The following BTBD10 variants were observed in gnomAD, a reference collection of about 807,000 sequenced individuals.
BTBD10 encodes the protein BTB/POZ domain-containing protein 10.
In BTBD10, 21 loss-of-function variants were observed where a neutral mutation model predicts 53.2. The observed-to-expected ratio is 0.39, with a 90% CI of 0.28 to 0.57. BTBD10 has a LOEUF of 0.57. Ranked by LOEUF, BTBD10 falls within the 20% of genes least tolerant of loss-of-function variation. The pLI, the probability that BTBD10 is intolerant of heterozygous loss-of-function variation, is 0.53. For missense variants in BTBD10, 360 were observed against 594.7 expected (o/e 0.61, Z 4.10); for synonymous variants, 149 against 192.7 (o/e 0.77, Z 1.88).
chr11:13,424,357 TCATCTCTAAAC>T (rs1453921844), intron 2 of BTBD10, among the ~76,000 whole-genome samples: 1 of 152,206 alleles, frequency 6.6e-6, no homozygotes, highest in Non-Finnish European at 1.5e-5. Context: ...AACATTGGCT[TCATCTCTAAAC>T]CACTTAGATT....
chr11:13,456,393 A>G (rs1199832827), intron 1 of BTBD10, among the ~76,000 whole-genome samples: 1 of 152,176 alleles, frequency 6.6e-6, no homozygotes, highest in East Asian at 1.9e-4. Flanking sequence ...AAAACATGAA[A>G]CTGAATTCGT....
intron 8 of BTBD10, among the ~76,000 whole-genome samples, chr11:13,395,409 G>A (rs1224897453): frequency 6.6e-6 from 1 of 151,884 alleles, no homozygotes; most frequent in East Asian, 1.9e-4. Context: ...TTGTAAATTT[G>A]TTTGAGTTCA....
chr11:13,404,123 T>C (rs532438575), intron 7 of BTBD10, among the ~76,000 whole-genome samples: 1 of 152,278 alleles, frequency 6.6e-6, no homozygotes, highest in African/African-American at 2.4e-5. Flanking sequence ...ATGGGGTAAA[T>C]TTGTGATTAT....
chr11:13,461,416 C>T (rs1951093302), intron 1 of BTBD10, among the ~76,000 whole-genome samples: 1 of 152,146 alleles, frequency 6.6e-6, no homozygotes, highest in African/African-American at 2.4e-5. Context: ...TCTGATAAGG[C>T]ATAGTGCATT....
intron 5 of BTBD10, among the ~76,000 whole-genome samples, chr11:13,414,099 T>C (rs181764718): frequency 6.6e-6 from 1 of 152,228 alleles, no homozygotes; most frequent in Admixed American, 6.5e-5. Context: ...GTGAGGTTTT[T>C]AGTACAGAAT....
intron 2 of BTBD10, among the ~76,000 whole-genome samples, chr11:13,432,927 T>C (rs1369546351): frequency 6.6e-6 from 1 of 151,972 alleles, no homozygotes; most frequent in African/African-American, 2.4e-5. Flanking sequence ...AAGGAAATAA[T>C]ATAAGAAAAA....
chr11:13,421,106 T>TAC (rs1950233372), intron 3 of BTBD10, among the ~76,000 whole-genome samples: 1 of 56,378 alleles, frequency 1.8e-5, no homozygotes, highest in Non-Finnish European at 5.4e-5. Flanking sequence ...GTTTTATAGT[T>TAC]ATATGTGTTC....
intron 5 of BTBD10, among the ~76,000 whole-genome samples, chr11:13,416,414 T>C (rs1950113548): frequency 6.6e-6 from 1 of 152,000 alleles, no homozygotes; most frequent in Non-Finnish European, 1.5e-5. Context: ...TGTTAACAAA[T>C]ACATTTTGGA....
intron 1 of BTBD10, among the ~76,000 whole-genome samples, chr11:13,446,150 A>G (rs1950746466): frequency 6.6e-6 from 1 of 152,200 alleles, no homozygotes. Context: ...AAATGAAGTT[A>G]AACAATTTAA....
chr11:13,461,787 G>A (rs953585625), intron 1 of BTBD10, among the ~76,000 whole-genome samples: 6 of 152,130 alleles, frequency 3.9e-5, no homozygotes, highest in African/African-American at 1.2e-4. Flanking sequence ...ACTCTCTGGT[G>A]GTTCCTTACC....
intron 6 of BTBD10, among the ~76,000 whole-genome samples, chr11:13,408,540 A>G (rs1227993635): frequency 1.3e-5 from 2 of 152,190 alleles, no homozygotes; most frequent in African/African-American, 4.8e-5. Context: ...ATGTATACCC[A>G]ATGCTCCACT....
Position 13,427,916 on chromosome 11 carries a change from T to C in BTBD10, c.102-6078A>G, listed in dbSNP as rs375191025. Among the ~76,000 whole-genome samples, 14 of 152,108 alleles carry C rather than the reference T, an allele frequency of 9.2e-5. No individual in the cohort carries two copies. In the East Asian group the frequency reaches 2.3e-3, roughly 25 times the overall value. ...AAATCAAAAAGGAAATTAGAAAAGTTTGAACTAAAAGAAAGTGGAAAAAAC... is the reference window on the plus strand; with the variant it reads ...AAATCAAAAAGGAAATTAGAAAAGTCTGAACTAAAAGAAAGTGGAAAAAAC... On this transcript the variant is annotated intron_variant, in intron 2 of 8. Coordinates refer to ENST00000278174, the MANE Select transcript of BTBD10 (RefSeq NM_032320.7).
At chr11:13,441,897 T>G (rs951495178) in intron 2 of BTBD10, among the ~76,000 whole-genome samples, 2 of 152,194 alleles carry the variant, frequency 1.3e-5, no homozygotes, top group African/African-American at 4.8e-5. Context: ...TATGACATGA[T>G]TCTAGCCAAT....
chr11:13,419,113 G>C (rs1409411670), intron 4 of BTBD10, among the ~76,000 whole-genome samples: 1 of 151,548 alleles, frequency 6.6e-6, no homozygotes, highest in Non-Finnish European at 1.5e-5. Flanking sequence ...GGGAACCCAA[G>C]TGCAGGAAAC....
chr11:13,395,771 C>G (rs993791367), intron 8 of BTBD10, among the ~76,000 whole-genome samples: 1 of 152,180 alleles, frequency 6.6e-6, no homozygotes, highest in Non-Finnish European at 1.5e-5. Context: ...AGCCAGTTTT[C>G]CCAGCACCAT....
At chr11:13,433,929 C>T (rs1950500467) in intron 2 of BTBD10, among the ~76,000 whole-genome samples, 1 of 152,094 alleles carries the variant, frequency 6.6e-6, no homozygotes, top group Admixed American at 6.6e-5. Flanking sequence ...AAACTTTCTG[C>T]TCTTCTGCTT....
chr11:13,421,879 A>G lies in BTBD10; in HGVS notation c.102-41T>C, dbSNP rs377180412. On this transcript the variant is annotated intron_variant, in intron 2 of 8. Coordinates refer to ENST00000278174, the MANE Select transcript of BTBD10 (RefSeq NM_032320.7). Reference sequence around the variant, plus strand: ...GGAAAATTAACCATAAAAGCAGAACATAAGATTGGAAACATTTTAAAAGAA... The same window carrying G: ...GGAAAATTAACCATAAAAGCAGAACGTAAGATTGGAAACATTTTAAAAGAA... 7.4e-6 allele frequency: 11 copies of G among 1,478,584 alleles called. No homozygotes were observed. The Admixed American group carries it at 8.2e-5, about 11-fold the overall frequency. 91.6% of individuals were successfully genotyped at this position (1,478,584 alleles called of 1,614,324 possible). A position where few individuals can be genotyped will look rare whatever the true frequency, so the allele number is the denominator to read the frequency against.
At chr11:13,435,060 G>A (rs1950522252) in intron 2 of BTBD10, among the ~76,000 whole-genome samples, 1 of 152,200 alleles carries the variant, frequency 6.6e-6, no homozygotes, top group African/African-American at 2.4e-5. Flanking sequence ...GTAAGTCTGT[G>A]TATACTTATG....
At chr11:13,453,121 A>T (rs1383266410) in intron 1 of BTBD10, among the ~76,000 whole-genome samples, 3 of 152,188 alleles carry the variant, frequency 2.0e-5, no homozygotes, top group African/African-American at 4.8e-5. Flanking sequence ...CATCTAGTTT[A>T]TCGGTTAAAA....
Sources: allele counts gnomAD v4.1 joint callset (sites outside exome capture counted in the v4.1 genomes callset), GRCh38; gene constraint gnomAD v4.1.1; transcripts MANE v1.5; gene names NCBI Gene and HGNC (gene_info 2026-07-23, HGNC 2026-07-21).